The following TRIM37 variants were observed in gnomAD, a reference collection of about 807,000 sequenced individuals.
TRIM37 encodes tripartite motif containing 37.
TRIM37 carries 80 observed loss-of-function variants against 129.8 expected under a neutral mutation model. The observed-to-expected ratio is 0.62, with a 90% confidence interval of 0.51 to 0.74. The LOEUF is 0.74. Ranked by LOEUF, TRIM37 falls within the 30% of genes least tolerant of loss-of-function variation. The pLI is 0.00. For synonymous variants in TRIM37, 389 were observed against 387.1 expected, an observed-to-expected ratio of 1.00 and a Z score of -0.06; for missense variants, 1,054 against 1,176.5, an observed-to-expected ratio of 0.90 and a Z score of 1.52.
the TRIM37 span, among the ~76,000 whole-genome samples, chr17:58,976,178 C>T: frequency 2.0e-5 from 3 of 151,948 alleles, no homozygotes; most frequent in Non-Finnish European, 4.4e-5. Context: ...AAATTGAAGA[C>T]GAGAGAGTAG....
At chr17:59,099,290 G>T (rs191913702) in intron 2 of TRIM37, among the ~76,000 whole-genome samples, 6 of 152,012 alleles carry the variant, frequency 3.9e-5, no homozygotes, top group Non-Finnish European at 4.4e-5. Flanking sequence ...CAGTAGTCTC[G>T]TAAGATTAGA....
At chr17:59,049,700 G>C (rs1323152679) in intron 14 of TRIM37, among the ~76,000 whole-genome samples, 2 of 152,062 alleles carry the variant, frequency 1.3e-5, no homozygotes, top group African/African-American at 4.8e-5. Context: ...ATCTTGCTAT[G>C]TTGCTCAAGC....
At chr17:59,024,748 C>T (rs1266017126) in intron 19 of TRIM37, among the ~76,000 whole-genome samples, 1 of 152,214 alleles carries the variant, frequency 6.6e-6, no homozygotes, top group African/African-American at 2.4e-5. Context: ...TGTTGAACTC[C>T]TGGGCTCAAG....
intron 19 of TRIM37, among the ~76,000 whole-genome samples, chr17:59,022,177 G>C (rs575079360): frequency 1.1e-4 from 16 of 152,114 alleles, no homozygotes; most frequent in Non-Finnish European, 2.2e-4. Context: ...TAATGAAATA[G>C]ATCGATTTCA....
chr17:58,973,929 G>A, the TRIM37 span, among the ~76,000 whole-genome samples: 1 of 147,578 alleles, frequency 6.8e-6, no homozygotes, highest in South Asian at 2.2e-4. Flanking sequence ...TCCAGGCTGG[G>A]CGACAGAGCG....
At chr17:59,017,972 A>G (rs1358034786) in intron 19 of TRIM37, among the ~76,000 whole-genome samples, 11 of 152,226 alleles carry the variant, frequency 7.2e-5, no homozygotes. Context: ...CTTAAGAAAA[A>G]TCATACAAAT....
chr17:59,059,435 G>C (rs1396711210), intron 12 of TRIM37: 2 of 152,252 alleles, frequency 1.3e-5, no homozygotes, highest in Non-Finnish European at 2.9e-5. Context: ...GAGTGCAGTG[G>C]TGCGGACACA....
chr17:59,080,652 G>A (rs574256324), intron 6 of TRIM37, among the ~76,000 whole-genome samples: 1 of 152,094 alleles, frequency 6.6e-6, no homozygotes, highest in Admixed American at 6.6e-5. Flanking sequence ...TTAGCTGGGC[G>A]TGGTGGTGGG....
At chr17:59,031,847 T>G (rs1489146911) in intron 18 of TRIM37, 49 bp downstream of exon 18, 1 of 1,586,614 alleles carries the variant, frequency 6.3e-7, no homozygotes, top group East Asian at 2.2e-5. Context: ...CCAAGAGTTC[T>G]TTTAGAGAAC....
rs556087123 is a variant in TRIM37 at position 59,100,054 on chromosome 17, G to C, written c.123+4239C>G. On this transcript the variant is annotated intron_variant, in intron 2 of 23. Transcript: ENST00000262294. Reference sequence around the variant, plus strand: ...CGAATTCAGGTGATCCATCCACTTCGGCCTCCCAATCCTTTTTTTAATTTA... The same window carrying C: ...CGAATTCAGGTGATCCATCCACTTCCGCCTCCCAATCCTTTTTTTAATTTA... 4.6e-5 allele frequency among the ~76,000 whole-genome samples: 7 copies of C among 151,338 alleles called. No homozygotes were observed. In the South Asian group the frequency reaches 8.3e-4, roughly 18 times the overall value.
At chr17:58,991,579 C>G (rs906952204) in intron 24 of TRIM37, among the ~76,000 whole-genome samples, 12 of 152,292 alleles carry the variant, frequency 7.9e-5, no homozygotes, top group African/African-American at 2.9e-4. Flanking sequence ...CAGCATTACT[C>G]TGACACCAAA....
intron 2 of TRIM37, among the ~76,000 whole-genome samples, chr17:59,097,851 A>C (rs1375690540): frequency 6.6e-6 from 1 of 152,242 alleles, no homozygotes; most frequent in East Asian, 1.9e-4. Flanking sequence ...CATAAGATTT[A>C]ATATTGTTAA....
At chr17:59,050,446 A>C (rs1016346020) in intron 14 of TRIM37, among the ~76,000 whole-genome samples, 1 of 152,206 alleles carries the variant, frequency 6.6e-6, no homozygotes, top group Admixed American at 6.5e-5. Flanking sequence ...TAATCCCAGC[A>C]CTTTGGGAGG....
chr17:59,031,359 A>C (rs967881911), intron 18 of TRIM37, among the ~76,000 whole-genome samples: 3 of 152,122 alleles, frequency 2.0e-5, no homozygotes, highest in African/African-American at 7.2e-5. Flanking sequence ...GTCCAAAATG[A>C]CTCTATCCCC....
intron 14 of TRIM37, among the ~76,000 whole-genome samples, chr17:59,050,966 C>T (rs1413008093): frequency 2.6e-5 from 4 of 151,788 alleles, no homozygotes; most frequent in Non-Finnish European, 4.4e-5. Context: ...GGCAACAGAG[C>T]GAGACTCCTT....
chr17:59,032,531 CAAAAAAAAAAAA>C (rs35442859), intron 17 of TRIM37, among the ~76,000 whole-genome samples: 4 of 84,788 alleles, frequency 4.7e-5, no homozygotes, highest in African/African-American at 9.3e-5. Flanking sequence ...GACTCCGTCT[CAAAAAAAAAAAA>C]AAAAAAAAAA....
chr17:58,988,629 G>A (rs931835517), intron 24 of TRIM37, among the ~76,000 whole-genome samples: 7 of 152,134 alleles, frequency 4.6e-5, no homozygotes, highest in Middle Eastern at 3.4e-3. Context: ...CCCAGCCCCC[G>A]TTACACTTCA....
At chr17:58,989,127 C>G (rs2032100967) in intron 24 of TRIM37, among the ~76,000 whole-genome samples, 1 of 152,152 alleles carries the variant, frequency 6.6e-6, no homozygotes, top group African/African-American at 2.4e-5. Flanking sequence ...ATGAAACATT[C>G]ATCAGAACCA....
chr17:59,071,283 C>CTTT (rs962225941), intron 8 of TRIM37, among the ~76,000 whole-genome samples: 49 of 121,310 alleles, frequency 4.0e-4, no homozygotes, highest in Non-Finnish European at 4.8e-4. Flanking sequence ...AAGTTGAAAG[C>CTTT]TTTTTTTTTT....
Sources: gnomAD v4.1 joint callset for allele counts (sites outside exome capture counted in the v4.1 genomes callset) on GRCh38, gnomAD v4.1.1 for gene constraint, MANE v1.5 for transcripts, NCBI Gene and HGNC (gene_info 2026-07-23, HGNC 2026-07-21) for gene names.